Variants in SPATA16 observed in about 807,000 individuals in gnomAD.
The protein encoded by SPATA16 is spermatogenesis associated 16.
A neutral mutation model predicts 63.3 loss-of-function variants in SPATA16; 36 were observed. The ratio of observed to expected loss-of-function variants is 0.57; its 90% confidence interval spans 0.44 to 0.75. The LOEUF is 0.75. SPATA16 is among the 30% of genes least tolerant of loss of function. SPATA16 has a pLI of 0.00. For missense variants in SPATA16, 646 were observed against 679.3 expected, an observed-to-expected ratio of 0.95 and a Z score of 0.54; for synonymous variants, 203 against 216.7, an observed-to-expected ratio of 0.94 and a Z score of 0.56.
chr3:173,131,694 T>C (rs1339185132), intron 1 of SPATA16, among the ~76,000 whole-genome samples: 2 of 152,182 alleles, frequency 1.3e-5, no homozygotes, highest in Non-Finnish European at 2.9e-5. Context: ...GAAAGGGCTT[T>C]GGAGAAACAG....
intron 2 of SPATA16, among the ~76,000 whole-genome samples, chr3:173,071,948 G>C (rs1162443557): frequency 6.6e-6 from 1 of 152,166 alleles, no homozygotes; most frequent in Non-Finnish European, 1.5e-5. Flanking sequence ...GAAAAGGGAA[G>C]ACATACACTG....
rs1438181019 is a variant in SPATA16, at chr3:172,996,189, C to T, written c.849-19137G>A. ...CACCATAAAAGTGATGTTGTGTCTT[C>T]GTTGCATACTGTCAGTGGGTACGTG... On this transcript the variant is annotated intron_variant, in intron 4 of 10. Transcript: ENST00000351008. Among the ~76,000 whole-genome samples, 15 of 152,068 alleles carry T rather than the reference C, an allele frequency of 9.9e-5. 1 individual carries two copies. The highest frequency in any genetic ancestry group is 5.9e-5 in the Non-Finnish European group (4 of 67,972).
At chr3:172,952,266 G>A (rs1015662365) in intron 6 of SPATA16, among the ~76,000 whole-genome samples, 3 of 152,150 alleles carry the variant, frequency 2.0e-5, no homozygotes, top group South Asian at 2.1e-4. Flanking sequence ...GATGCAGTAG[G>A]AAGCTGCCTA....
chr3:173,087,406 G>T (rs1217646624), intron 2 of SPATA16, among the ~76,000 whole-genome samples: 1 of 152,018 alleles, frequency 6.6e-6, no homozygotes, highest in Admixed American at 6.6e-5. Flanking sequence ...TTTATTTTGA[G>T]CCTATGTGTG....
chr3:173,008,947 T>C (rs1735000130), intron 4 of SPATA16, among the ~76,000 whole-genome samples: 2 of 152,240 alleles, frequency 1.3e-5, no homozygotes, highest in African/African-American at 4.8e-5. Context: ...CAGTTAGATA[T>C]ATTCAATAAG....
intron 2 of SPATA16, among the ~76,000 whole-genome samples, chr3:173,051,938 A>G (rs188047583): frequency 1.8e-4 from 27 of 152,066 alleles, no homozygotes; most frequent in African/African-American, 6.5e-4. Context: ...CAGCCGCCCA[A>G]GTAACTAGGA....
At chr3:173,032,405 A>G (rs1735626395) in intron 3 of SPATA16, among the ~76,000 whole-genome samples, 1 of 152,118 alleles carries the variant, frequency 6.6e-6, no homozygotes, top group African/African-American at 2.4e-5. Flanking sequence ...AGTAATGAAA[A>G]CACATTAAAA....
chr3:173,111,224 A>G (rs942892698), intron 2 of SPATA16, among the ~76,000 whole-genome samples: 4 of 152,184 alleles, frequency 2.6e-5, no homozygotes, highest in African/African-American at 4.8e-5. Flanking sequence ...AAAAGTGCCT[A>G]GAACGTGAAA....
At chr3:173,063,610 A>G (rs1459943895) in intron 2 of SPATA16, among the ~76,000 whole-genome samples, 1 of 152,158 alleles carries the variant, frequency 6.6e-6, no homozygotes, top group African/African-American at 2.4e-5. Context: ...GACAAAAGTT[A>G]ATATTTTTAG....
chr3:173,123,894 A>G (rs764614908), intron 1 of SPATA16, among the ~76,000 whole-genome samples: 1 of 151,848 alleles, frequency 6.6e-6, no homozygotes, highest in Non-Finnish European at 1.5e-5. Context: ...ATAAGCCACC[A>G]CTTCCGGCCT....
At position 172,965,484 on chromosome 3, in the gene SPATA16, G is replaced by A. The variant is rs182157382; in HGVS notation, c.934-8660C>T. ...GTGGTGTGCAGATCAAGAGAAATGAGTGTATCTGGAATCTAGTAAGAGGGA... is the reference window on the plus strand; with the variant it reads ...GTGGTGTGCAGATCAAGAGAAATGAATGTATCTGGAATCTAGTAAGAGGGA... On this transcript the variant is annotated intron_variant, in intron 5 of 10. Coordinates refer to ENST00000351008, the MANE Select transcript of SPATA16 (RefSeq NM_031955.6). Among the ~76,000 whole-genome samples the A allele has an allele frequency of 2.5e-4, 38 of 152,170 alleles. No individual in the cohort carries two copies. The East Asian group carries it at 6.4e-3, about 26-fold the overall frequency.
intron 2 of SPATA16, among the ~76,000 whole-genome samples, chr3:173,115,025 T>C (rs987605848): frequency 9.2e-5 from 14 of 151,978 alleles, no homozygotes; most frequent in Non-Finnish European, 1.6e-4. Context: ...TATCAGTAAT[T>C]AGTGTCAGCA....
chr3:173,019,378 T>G, intron 4 of SPATA16, 108 bp downstream of exon 4: 1 of 975,892 alleles, frequency 1.0e-6, no homozygotes, highest in Admixed American at 1.7e-5. Context: ...TTGGATAAAA[T>G]CATATTCCAT....
At chr3:173,099,254 G>A (rs962675738) in intron 2 of SPATA16, among the ~76,000 whole-genome samples, 2 of 145,502 alleles carry the variant, frequency 1.4e-5, no homozygotes, top group East Asian at 1.9e-4. Flanking sequence ...GAGAGAGAGA[G>A]AGTGAGAGAG....
chr3:173,005,255 C>A (rs1383477381), intron 4 of SPATA16, among the ~76,000 whole-genome samples: 1 of 143,980 alleles, frequency 6.9e-6, no homozygotes, highest in Non-Finnish European at 1.5e-5. Flanking sequence ...ACCTGGGAGG[C>A]GAAGGTTGCA....
intron 4 of SPATA16, among the ~76,000 whole-genome samples, chr3:172,979,647 A>G (rs969038301): frequency 3.3e-5 from 5 of 152,240 alleles, no homozygotes; most frequent in Middle Eastern, 6.8e-3. Context: ...ATGTTATGCC[A>G]AAGTTGCTTT....
At chr3:172,922,984 A>G (rs1254936853) in intron 8 of SPATA16, among the ~76,000 whole-genome samples, 1 of 152,094 alleles carries the variant, frequency 6.6e-6, no homozygotes, top group East Asian at 1.9e-4. Flanking sequence ...AAACTAAAAA[A>G]CAAAGAGCTA....
At chr3:173,082,113 T>G (rs574805781) in intron 2 of SPATA16, among the ~76,000 whole-genome samples, 34 of 152,254 alleles carry the variant, frequency 2.2e-4, no homozygotes, top group African/African-American at 7.7e-4. Context: ...AGTTTAGATC[T>G]TTCTTTTAGG....
Position 173,029,453 on chromosome 3 carries a change from A to G in SPATA16, c.759-9878T>C, listed in dbSNP as rs534130519. 2.0e-4 allele frequency among the ~76,000 whole-genome samples: 25 copies of G among 127,930 alleles called. 1 individual carries two copies. The South Asian group carries it at 5.8e-3, about 30-fold the overall frequency. The allele number at this position is 127,930 out of a possible 152,430, so 83.9% of individuals were successfully genotyped here. On this transcript the variant is annotated intron_variant, in intron 3 of 10. Transcript: ENST00000351008. ...TTGTTGTTGTTTGTTTGTTTGTTTTACTGGTTCTCTGAACCATAGATCCCA... is the reference window on the plus strand; with the variant it reads ...TTGTTGTTGTTTGTTTGTTTGTTTTGCTGGTTCTCTGAACCATAGATCCCA...
Sources: allele counts gnomAD v4.1 joint callset (sites outside exome capture counted in the v4.1 genomes callset), GRCh38; gene constraint gnomAD v4.1.1; transcripts MANE v1.5; gene names NCBI Gene and HGNC (gene_info 2026-07-23, HGNC 2026-07-21).